Variants in NEK10 observed in about 807,000 individuals in gnomAD.
The protein encoded by NEK10 is serine/threonine-protein kinase Nek10.
In NEK10, 122 loss-of-function variants were observed where a neutral mutation model predicts 159.8. The observed-to-expected ratio is 0.76, with a 90% CI of 0.66 to 0.89. NEK10 has a LOEUF of 0.89. Among genes scored for constraint, NEK10 ranks in the 40% least tolerant of loss-of-function variants. The pLI is 0.00. For synonymous variants in NEK10, 466 were observed against 457.1 expected (o/e 1.02, Z -0.25); for missense variants, 1,342 against 1,323.1 (o/e 1.01, Z -0.22).
chr3:27,233,774 C>T (rs73157432), intron 23 of NEK10, among the ~76,000 whole-genome samples: 2,518 of 152,130 alleles, frequency 0.017, 78 homozygotes, highest in African/African-American at 0.058. Flanking sequence ...TTCTATGAGG[C>T]CAGCAACATC....
chr3:27,360,180 T>C (rs1022202557), intron 1 of NEK10, among the ~76,000 whole-genome samples: 1 of 152,172 alleles, frequency 6.6e-6, no homozygotes, highest in Non-Finnish European at 1.5e-5. Context: ...ATGGGAACTA[T>C]ATGTGGAGTT....
chr3:27,261,434 A>G (rs905203409), intron 22 of NEK10, among the ~76,000 whole-genome samples: 76 of 152,114 alleles, frequency 5.0e-4, no homozygotes, highest in African/African-American at 1.6e-3. Flanking sequence ...CTTTGTTCTC[A>G]TTGGTTTCAA....
chr3:27,290,911 A>C (rs572865319), intron 18 of NEK10, among the ~76,000 whole-genome samples, 157 bp from the exon 19 acceptor site: 2 of 88,300 alleles, frequency 2.3e-5, no homozygotes, highest in East Asian at 2.1e-4. Context: ...ATTTACATTA[A>C]GCTCAGCTCA....
At chr3:27,342,159 C>G (rs990427803) in intron 5 of NEK10, among the ~76,000 whole-genome samples, 2 of 152,126 alleles carry the variant, frequency 1.3e-5, no homozygotes, top group African/African-American at 2.4e-5. Context: ...TTCCTCCCTT[C>G]CTTGCACACA....
intron 22 of NEK10, among the ~76,000 whole-genome samples, chr3:27,265,990 G>T (rs2040859806): frequency 6.6e-6 from 1 of 151,708 alleles, no homozygotes; most frequent in Non-Finnish European, 1.5e-5. Context: ...TGTATTTTTA[G>T]TAAAGACGGG....
chr3:27,350,856 GT>G (rs1431277974), intron 3 of NEK10, among the ~76,000 whole-genome samples: 1 of 151,750 alleles, frequency 6.6e-6, no homozygotes, highest in Non-Finnish European at 1.5e-5. Flanking sequence ...TTTGGTTTTG[GT>G]TTTTTTTGTT....
chr3:27,138,915 T>G (rs1004382128), intron 31 of NEK10, among the ~76,000 whole-genome samples: 1 of 152,202 alleles, frequency 6.6e-6, no homozygotes, highest in Non-Finnish European at 1.5e-5. Context: ...ACAAGGACTA[T>G]GGCACAGAAT....
In NEK10 at chr3:27,141,592, A is replaced by G. The variant is rs759076344; in HGVS notation, c.2870-10T>C. ...GCAATTCCTGCTGATGCTGTGGGTG[A>G]TAAATTTTGTAGTTAGTCAAGTTCT... On this transcript the variant is annotated splice_polypyrimidine_tract_variant and intron_variant, in intron 30 of 35. Transcript: ENST00000691995. 18 of 1,603,194 alleles carry G rather than the reference A, an allele frequency of 1.1e-5. No individual in the cohort carries two copies. The highest frequency in any genetic ancestry group is 1.4e-5 in the Non-Finnish European group (17 of 1,173,516).
intron 1 of NEK10, among the ~76,000 whole-genome samples, chr3:27,360,336 G>C (rs1325141359): frequency 6.6e-6 from 1 of 152,144 alleles, no homozygotes; most frequent in Non-Finnish European, 1.5e-5. Flanking sequence ...ACATGAGAAG[G>C]CACATTCTCC....
intron 22 of NEK10, among the ~76,000 whole-genome samples, chr3:27,280,095 G>GAAA (rs1203824501): frequency 1.0e-3 from 71 of 69,424 alleles, no homozygotes; most frequent in East Asian, 4.1e-3. Context: ...CCCTAAAATG[G>GAAA]AAAAAAAAAA....
At chr3:27,322,040 T>C in intron 6 of NEK10, 137 bp downstream of exon 6, 2 of 565,382 alleles carry the variant, frequency 3.5e-6, no homozygotes, top group Non-Finnish European at 6.4e-6. Flanking sequence ...AGATGAGACA[T>C]TCCCCATATA....
chr3:27,120,654 C>T (rs1056050256), intron 32 of NEK10, among the ~76,000 whole-genome samples: 6 of 152,108 alleles, frequency 3.9e-5, no homozygotes, highest in African/African-American at 1.2e-4. Flanking sequence ...ATACATTTTT[C>T]GAAATTACTA....
rs929363592 is a variant in NEK10, at chr3:27,120,019, A to T, written c.3082-151T>A. 1.5e-5 allele frequency: 8 copies of T among 545,914 alleles called. No individual in the cohort carries two copies. The African/African-American group carries it at 1.5e-4, about 10-fold the overall frequency. The allele number at this position is 545,914 out of a possible 1,614,324, so 33.8% of individuals were successfully genotyped here. A position where few individuals can be genotyped will look rare whatever the true frequency, so the allele number is the denominator to read the frequency against. On this transcript the variant is annotated intron_variant, in intron 32 of 35. Coordinates refer to ENST00000691995, the MANE Select transcript of NEK10 (RefSeq NM_001394966.1). Reference sequence around the variant, plus strand: ...ATCCCTTGTAAATAGATAAAGAAATAATCTTCTTTCCAAAAGAATTTATAA... The same window carrying T: ...ATCCCTTGTAAATAGATAAAGAAATTATCTTCTTTCCAAAAGAATTTATAA...
At chr3:27,334,786 T>C (rs527641488) in intron 5 of NEK10, among the ~76,000 whole-genome samples, 36 of 152,270 alleles carry the variant, frequency 2.4e-4, no homozygotes, top group Non-Finnish European at 4.6e-4. Flanking sequence ...GTGACTATTA[T>C]ACCAGATGTG....
chr3:27,307,704 T>C (rs187499658), intron 11 of NEK10, among the ~76,000 whole-genome samples, 155 bp downstream of exon 11: 2,500 of 152,356 alleles, frequency 0.016, 30 homozygotes, highest in Middle Eastern at 0.068. Flanking sequence ...TTCTTTGCTC[T>C]ATTTTCTTTA....
rs951725116 is a variant in NEK10 at position 27,369,261 on chromosome 3, C to T, written c.-74G>A. 4.6e-5 allele frequency: 7 copies of T among 152,434 alleles called. No homozygotes were observed. Among genetic ancestry groups the T allele is most frequent in the African/African-American group, 1.7e-4 (7 of 41,428 alleles). 9.4% of individuals were successfully genotyped at this position (152,434 alleles called of 1,614,324 possible). ...GACGGTCCCTCCTTCAGGCCAATCT[C>T]CTTATCATTGTCCCTGCTGCTGTCA... On this transcript the variant is annotated 5_prime_UTR_variant, in exon 1 of 36. Coordinates refer to ENST00000691995, the MANE Select transcript of NEK10 (RefSeq NM_001394966.1). This position sits in a 1 kb window ranked among gnomAD's most constrained non-coding sequence, Gnocchi z 4.2.
chr3:27,283,825 T>A (rs975093618), intron 22 of NEK10, among the ~76,000 whole-genome samples: 11 of 152,214 alleles, frequency 7.2e-5, no homozygotes, highest in Non-Finnish European at 1.5e-4. Flanking sequence ...CCTCCATATG[T>A]ACATTTGTCA....
chr3:27,361,050 A>G (rs1016458419), intron 1 of NEK10, among the ~76,000 whole-genome samples: 1 of 152,172 alleles, frequency 6.6e-6, no homozygotes, highest in South Asian at 2.1e-4. Flanking sequence ...TTAAGTGCTG[A>G]TTTTCATTTT....
chr3:27,336,318 G>T (rs777195057), intron 5 of NEK10, among the ~76,000 whole-genome samples: 1 of 151,984 alleles, frequency 6.6e-6, no homozygotes, highest in Non-Finnish European at 1.5e-5. Flanking sequence ...AAAAACAACA[G>T]ACCAATAATG....
Sources: gnomAD v4.1 joint callset for allele counts (sites outside exome capture counted in the v4.1 genomes callset) on GRCh38, gnomAD v4.1.1 for gene constraint, Gnocchi (gnomAD v3.1) non-coding constraint, MANE v1.5 for transcripts, NCBI Gene and HGNC (gene_info 2026-07-23, HGNC 2026-07-21) for gene names.